The following XYLT1 variants were observed in gnomAD, a reference collection of about 807,000 sequenced individuals.
XYLT1 encodes beta-D-xylosyltransferase 1.
In XYLT1, 36 loss-of-function variants were observed where a neutral mutation model predicts 91.3. The ratio of observed to expected loss-of-function variants is 0.39; its 90% CI spans 0.30 to 0.52. The LOEUF (loss-of-function observed/expected upper bound fraction) is 0.52. Among genes scored for constraint, XYLT1 ranks in the 20% least tolerant of loss-of-function variants. The pLI, the probability that XYLT1 is intolerant of heterozygous loss-of-function variation, is 0.68. For missense variants in XYLT1, 1,242 were observed against 1,284.5 expected, an observed-to-expected ratio of 0.97 and a Z score of 0.51; for synonymous variants, 588 against 532.0, an observed-to-expected ratio of 1.11 and a Z score of -1.45.
intron 5 of XYLT1, 85 bp downstream of exon 5, chr16:17,198,127 C>G: frequency 1.4e-6 from 2 of 1,419,354 alleles, no homozygotes; most frequent in Admixed American, 1.7e-5. Context: ...ATGCATCAGT[C>G]TCCTTCTGCC....
At chr16:17,310,548 T>C (rs897584164) in intron 2 of XYLT1, among the ~76,000 whole-genome samples, 1 of 152,102 alleles carries the variant, frequency 6.6e-6, no homozygotes, top group Non-Finnish European at 1.5e-5. Flanking sequence ...AATAAGTAAG[T>C]GCATAAATGG....
intron 5 of XYLT1, among the ~76,000 whole-genome samples, chr16:17,194,637 T>C (rs1429560987): frequency 3.9e-5 from 6 of 152,364 alleles, no homozygotes; most frequent in African/African-American, 1.4e-4. Context: ...TGGGACTGTT[T>C]CCTTCTGTGC....
intron 11 of XYLT1, among the ~76,000 whole-genome samples, chr16:17,112,754 A>G (rs901440908): frequency 2.0e-5 from 3 of 152,200 alleles, no homozygotes; most frequent in Non-Finnish European, 4.4e-5. Flanking sequence ...CCAGCTCAAG[A>G]AAACATGAGG....
intron 1 of XYLT1, among the ~76,000 whole-genome samples, chr16:17,374,905 A>T (rs1302452593): frequency 2.0e-5 from 3 of 152,178 alleles, no homozygotes; most frequent in African/African-American, 7.2e-5. Context: ...ACAATGTGCT[A>T]GGTGCTATGG....
At chr16:17,205,960 G>A (rs1015303253) in intron 3 of XYLT1, among the ~76,000 whole-genome samples, 1 of 152,150 alleles carries the variant, frequency 6.6e-6, no homozygotes, top group Non-Finnish European at 1.5e-5. Flanking sequence ...TGGAAACAAG[G>A]TTGTATGCAA....
At chr16:17,438,903 G>GT (rs2036496485) in intron 1 of XYLT1, among the ~76,000 whole-genome samples, 1 of 152,074 alleles carries the variant, frequency 6.6e-6, no homozygotes. Flanking sequence ...TGAGATTTGG[G>GT]TGGGGACACA....
At chr16:17,398,573 A>G (rs2035920360) in intron 1 of XYLT1, among the ~76,000 whole-genome samples, 1 of 152,160 alleles carries the variant, frequency 6.6e-6, no homozygotes, top group Non-Finnish European at 1.5e-5. Flanking sequence ...GCACCACTAA[A>G]TGGCTTAAAC....
intron 1 of XYLT1, among the ~76,000 whole-genome samples, chr16:17,397,595 G>C (rs1017794305): frequency 3.9e-5 from 6 of 151,934 alleles, no homozygotes; most frequent in African/African-American, 1.5e-4. Context: ...GCTATCAAAG[G>C]CCTCTCACAC....
At chr16:17,303,059 A>G (rs752584567) in intron 2 of XYLT1, among the ~76,000 whole-genome samples, 7 of 150,840 alleles carry the variant, frequency 4.6e-5, no homozygotes, top group Non-Finnish European at 7.3e-5. Flanking sequence ...GTCGTGATGG[A>G]TCTTGAAAGA....
chr16:17,301,450 G>A (rs756855007), intron 2 of XYLT1, among the ~76,000 whole-genome samples: 10 of 151,994 alleles, frequency 6.6e-5, no homozygotes, highest in Non-Finnish European at 1.0e-4. Flanking sequence ...ATGGTCAGCC[G>A]TCCCCCAAAG....
chr16:17,443,217 C>G (rs893413899), intron 1 of XYLT1, among the ~76,000 whole-genome samples: 1 of 152,106 alleles, frequency 6.6e-6, no homozygotes, highest in African/African-American at 2.4e-5. Flanking sequence ...TAAGTACTTG[C>G]TACCTATATT....
At chr16:17,431,697 G>C (rs1262867334) in intron 1 of XYLT1, among the ~76,000 whole-genome samples, 1 of 152,220 alleles carries the variant, frequency 6.6e-6, no homozygotes, top group Admixed American at 6.5e-5. Context: ...GACATATAGC[G>C]ATCAATGCAG....
intron 5 of XYLT1, among the ~76,000 whole-genome samples, chr16:17,174,228 T>A (rs1024948009): frequency 2.0e-5 from 3 of 152,238 alleles, no homozygotes; most frequent in Non-Finnish European, 2.9e-5. Context: ...ACTTCTTCCC[T>A]TTTTCTCTAA....
chr16:17,454,231 G>A (rs2036705580), intron 1 of XYLT1, among the ~76,000 whole-genome samples: 2 of 152,194 alleles, frequency 1.3e-5, no homozygotes, highest in African/African-American at 4.8e-5. Context: ...GTTCACAGCA[G>A]CACTATTTAT....
At chr16:17,188,944 A>T (rs2032249390) in intron 5 of XYLT1, among the ~76,000 whole-genome samples, 1 of 151,998 alleles carries the variant, frequency 6.6e-6, no homozygotes, top group South Asian at 2.1e-4. Context: ...TGTACCCTTG[A>T]CCACTACGAT....
At chr16:17,440,177 T>C (rs1017336626) in intron 1 of XYLT1, among the ~76,000 whole-genome samples, 2 of 152,186 alleles carry the variant, frequency 1.3e-5, no homozygotes, top group African/African-American at 4.8e-5. Flanking sequence ...AGCTAACAAC[T>C]ACGTAAGTGA....
rs558113646 is a variant in XYLT1, at chr16:17,266,341, C to T, written c.403-6843G>A. Among the ~76,000 whole-genome samples, 8 of 152,306 alleles carry T rather than the reference C, an allele frequency of 5.3e-5. No homozygotes were observed. The East Asian group carries it at 1.2e-3, about 22-fold the overall frequency. ...CAAGCATAGAAGATAGTGCCTGACA[C>T]GTCCAAAGTGCTTAAGAAACACGTA... On this transcript the variant is annotated intron_variant, in intron 2 of 11. Transcript: ENST00000261381.
chr16:17,204,966 CAAAAAAA>C (rs530525798), intron 3 of XYLT1, among the ~76,000 whole-genome samples: 48 of 81,272 alleles, frequency 5.9e-4, no homozygotes, highest in Non-Finnish European at 1.0e-3. Flanking sequence ...TGCCCAGCTC[CAAAAAAA>C]AAAAAAAAAA....
intron 3 of XYLT1, among the ~76,000 whole-genome samples, chr16:17,247,467 G>A (rs2033457951): frequency 6.6e-6 from 1 of 152,200 alleles, no homozygotes; most frequent in Non-Finnish European, 1.5e-5. Context: ...CCAATCGAGA[G>A]GTGGCCTATG....
Sources: gnomAD v4.1 joint callset for allele counts (sites outside exome capture counted in the v4.1 genomes callset) on GRCh38, gnomAD v4.1.1 for gene constraint, MANE v1.5 for transcripts, NCBI Gene and HGNC (gene_info 2026-07-23, HGNC 2026-07-21) for gene names.